The following PAXIP1 variants were observed in gnomAD, a reference collection of about 807,000 sequenced individuals.
PAXIP1 encodes PAX interacting protein 1, also known as PAX-interacting protein 1.
In PAXIP1, 19 loss-of-function variants were observed where a neutral mutation model predicts 140.6. That is an observed-to-expected ratio of 0.14 (90% CI 0.09 to 0.20). PAXIP1 has a LOEUF of 0.20. Ranked by LOEUF, PAXIP1 falls within the 10% of genes least tolerant of loss-of-function variation. PAXIP1 has a pLI of 1.00. For missense variants in PAXIP1, 920 were observed against 1,208.6 expected, an observed-to-expected ratio of 0.76 and a Z score of 3.54; for synonymous variants, 442 against 444.6, an observed-to-expected ratio of 0.99 and a Z score of 0.07.
At chr7:154,971,213 T>C (rs1270865033) in intron 6 of PAXIP1, among the ~76,000 whole-genome samples, 1 of 152,192 alleles carries the variant, frequency 6.6e-6, no homozygotes, top group African/African-American at 2.4e-5. Flanking sequence ...TTACAGCTGT[T>C]TCTACTACGG....
intron 8 of PAXIP1, among the ~76,000 whole-genome samples, chr7:154,966,458 T>A (rs1164211810): frequency 6.6e-6 from 1 of 152,212 alleles, no homozygotes; most frequent in Non-Finnish European, 1.5e-5. Flanking sequence ...ATAATGTTCT[T>A]GCCTTCATTT....
Position 154,973,283 on chromosome 7 carries a change from G to A in PAXIP1, c.1074+2413C>T, listed in dbSNP as rs1176096156. Among the ~76,000 whole-genome samples the A allele has an allele frequency of 6.6e-6, 1 of 152,112 alleles. No individual in the cohort carries two copies. Among genetic ancestry groups the A allele is most frequent in the Non-Finnish European group, 1.5e-5 (1 of 68,024 alleles). On this transcript the variant is annotated intron_variant, in intron 6 of 20. Transcript: ENST00000404141. This position sits in a 1 kb window ranked among gnomAD's most constrained non-coding sequence, Gnocchi z 4.0. The stretch of plus-strand genomic sequence containing the variant: ...CCTCCGGGACCCAACAAGGTGACAT[G>A]GAGCGGTGGGCACTGAAGCAGGCCC...
intron 14 of PAXIP1, among the ~76,000 whole-genome samples, chr7:154,955,944 A>G (rs909533185): frequency 1.3e-5 from 2 of 152,192 alleles, no homozygotes; most frequent in Non-Finnish European, 2.9e-5. Context: ...AAGAAAGCAA[A>G]TATCAAAGTT....
chr7:154,996,646 C>G (rs142251403), intron 2 of PAXIP1, among the ~76,000 whole-genome samples: 2 of 152,144 alleles, frequency 1.3e-5, no homozygotes, highest in Admixed American at 6.5e-5. Context: ...CAGCAGCTAC[C>G]GGCAGTGACT....
At chr7:154,945,606 AC>A in intron 20 of PAXIP1, 5 of 965,870 alleles carry the variant, frequency 5.2e-6, no homozygotes, top group Non-Finnish European at 6.1e-6. Context: ...AGAGGCTCCC[AC>A]CCTCACAGAG....
intron 2 of PAXIP1, among the ~76,000 whole-genome samples, chr7:154,996,271 T>C (rs1382557230): frequency 1.1e-4 from 16 of 152,218 alleles, no homozygotes; most frequent in Non-Finnish European, 2.9e-5. Flanking sequence ...CACCTTGTAA[T>C]GTAACACAAT....
At chr7:154,955,285 T>C (rs1468099014) in intron 15 of PAXIP1, among the ~76,000 whole-genome samples, 1 of 152,184 alleles carries the variant, frequency 6.6e-6, no homozygotes, top group Non-Finnish European at 1.5e-5. Context: ...TTAACATGGT[T>C]CCTGGCCTAT....
chr7:154,997,327 A>G (rs1810683040), intron 2 of PAXIP1, among the ~76,000 whole-genome samples: 2 of 152,168 alleles, frequency 1.3e-5, no homozygotes, highest in African/African-American at 4.8e-5. Flanking sequence ...ATCACAGTGC[A>G]TGGCAGCCTT....
intron 3 of PAXIP1, among the ~76,000 whole-genome samples, chr7:154,992,663 A>G (rs1421073669): frequency 6.6e-6 from 1 of 152,188 alleles, no homozygotes; most frequent in Non-Finnish European, 1.5e-5. Flanking sequence ...GGAACAACAA[A>G]ATCAGCCTCT....
chr7:154,944,129 G>A lies in PAXIP1; in HGVS notation c.*20C>T. The A allele has an allele frequency of 6.2e-7, 1 of 1,612,194 alleles. No individual in the cohort carries two copies. Among genetic ancestry groups the A allele is most frequent in the Non-Finnish European group, 8.5e-7 (1 of 1,178,956 alleles). ...AGCCCCGCACCGCAGGAGTCGACAT[G>A]CACGGCAGCCTAGACGCCATCAGTT... On this transcript the variant is annotated 3_prime_UTR_variant, in exon 21 of 21. Coordinates refer to ENST00000404141, the MANE Select transcript of PAXIP1 (RefSeq NM_007349.4).
At chr7:154,948,324 C>T (rs1808093442) in intron 16 of PAXIP1, 1 of 278,202 alleles carries the variant, frequency 3.6e-6, no homozygotes, top group Non-Finnish European at 7.0e-6. Context: ...GGAAGGAAAG[C>T]TGCTTGATGC....
In PAXIP1 at chr7:154,981,474, A is replaced by G. The variant is rs80308314; in HGVS notation, c.438+1745T>C. Among the ~76,000 whole-genome samples the G allele has an allele frequency of 3.4e-3, 512 of 152,360 alleles. 3 individuals carry two copies. Among genetic ancestry groups the G allele is most frequent in the African/African-American group, 0.012 (498 of 41,590 alleles). ...AAGAGTTATCTTTCTTTTCCAGTCC[A>G]TAAATGAAATCAAGAATGAAGAACA... is the stretch of plus-strand genomic sequence containing the variant. On this transcript the variant is annotated intron_variant, in intron 5 of 20. Transcript: ENST00000404141.
Position 154,954,531 on chromosome 7 carries a change from T to A in PAXIP1, c.2653-108A>T. ...TCTACCTAAAGACAAGGTTTATGACTGTAATTCTCAGCCACAGAAAACAGT... is the reference window on the plus strand; with the variant it reads ...TCTACCTAAAGACAAGGTTTATGACAGTAATTCTCAGCCACAGAAAACAGT... On this transcript the variant is annotated intron_variant, in intron 15 of 20. Coordinates refer to ENST00000404141, the MANE Select transcript of PAXIP1 (RefSeq NM_007349.4). The surrounding 1 kb of genome is among the most constrained non-coding windows in gnomAD (Gnocchi z 5.1). The A allele has an allele frequency of 1.5e-6, 1 of 684,738 alleles. No individual in the cohort carries two copies. The highest frequency in any genetic ancestry group is 2.1e-6 in the Non-Finnish European group (1 of 473,106). The allele number at this position is 684,738 out of a possible 1,614,324, so 42.4% of individuals were successfully genotyped here.
rs373973362 is a variant in PAXIP1, at chr7:155,002,943, C to T, written c.-14G>A. The T allele has an allele frequency of 8.0e-6, 10 of 1,242,308 alleles. No homozygotes were observed. Among genetic ancestry groups the T allele is most frequent in the Admixed American group, 5.0e-5 (2 of 39,686 alleles). The allele number at this position is 1,242,308 out of a possible 1,614,324, so 77.0% of individuals were successfully genotyped here. ...CTGGTCCGACATGATCGCGGCGGCC[C>T]GGGAGGCTCCGCGGCGGCGCCCGGC... On this transcript the variant is annotated 5_prime_UTR_variant, in exon 1 of 21. Transcript: ENST00000404141.
At chr7:154,969,157 C>G (rs1334871054) in intron 6 of PAXIP1, 31 bp from the exon 7 acceptor site, 1 of 1,443,920 alleles carries the variant, frequency 6.9e-7, no homozygotes, top group Non-Finnish European at 9.1e-7. Flanking sequence ...GAAACATTAT[C>G]AACAGTTCCT....
At chr7:154,945,436 G>A (rs1036629567) in intron 20 of PAXIP1, 27 of 557,698 alleles carry the variant, frequency 4.8e-5, no homozygotes, top group Non-Finnish European at 5.9e-5. Flanking sequence ...ATACTTAAAT[G>A]TAATTACCTG....
At chr7:154,989,499 C>T (rs1231111406) in intron 4 of PAXIP1, among the ~76,000 whole-genome samples, 1 of 152,178 alleles carries the variant, frequency 6.6e-6, no homozygotes, top group African/African-American at 2.4e-5. Flanking sequence ...GGGATGAGGA[C>T]TGTCAGGTCA....
At chr7:154,992,515 A>C (rs1563389376) in intron 3 of PAXIP1, among the ~76,000 whole-genome samples, 2 of 152,028 alleles carry the variant, frequency 1.3e-5, no homozygotes, top group African/African-American at 4.8e-5. Context: ...GAATCGCTTG[A>C]ACCCAGGAGG....
Position 154,954,482 on chromosome 7 carries a change from G to A in PAXIP1, c.2653-59C>T. ...AGTTCAGCATCCACAGAGCCACACT[G>A]ACACAGAGTAACACAGAGGAATATC... On this transcript the variant is annotated intron_variant, in intron 15 of 20. Coordinates refer to ENST00000404141, the MANE Select transcript of PAXIP1 (RefSeq NM_007349.4). The surrounding 1 kb of genome is among the most constrained non-coding windows in gnomAD (Gnocchi z 5.1). The A allele has an allele frequency of 1.6e-6, 2 of 1,219,036 alleles. No homozygotes were observed. The highest frequency in any genetic ancestry group is 2.2e-6 in the Non-Finnish European group (2 of 905,522). The allele number at this position is 1,219,036 out of a possible 1,614,324, so 75.5% of individuals were successfully genotyped here.
Sources: gnomAD v4.1 joint callset for allele counts (sites outside exome capture counted in the v4.1 genomes callset) on GRCh38, gnomAD v4.1.1 for gene constraint, Gnocchi (gnomAD v3.1) non-coding constraint, MANE v1.5 for transcripts, NCBI Gene and HGNC (gene_info 2026-07-23, HGNC 2026-07-21) for gene names.